The following PRKAG2 variants were observed in gnomAD, a reference collection of about 807,000 sequenced individuals.
The protein encoded by PRKAG2 is protein kinase AMP-activated non-catalytic subunit gamma 2.
A neutral mutation model predicts 69.6 loss-of-function variants in PRKAG2; 26 were observed. That is an observed-to-expected ratio of 0.37 (90% CI 0.27 to 0.52). PRKAG2 has a LOEUF of 0.52. Ranked by LOEUF, PRKAG2 falls within the 20% of genes least tolerant of loss-of-function variation. The pLI, the probability that PRKAG2 is intolerant of heterozygous loss-of-function variation, is 0.90. For missense variants in PRKAG2, 557 were observed against 740.0 expected (o/e 0.75, Z 2.87); for synonymous variants, 293 against 285.0 (o/e 1.03, Z -0.28).
intron 3 of PRKAG2, among the ~76,000 whole-genome samples, chr7:151,779,803 C>T (rs1327522216): frequency 1.3e-5 from 2 of 152,178 alleles, no homozygotes; most frequent in African/African-American, 4.8e-5. Context: ...TGACAAATCC[C>T]ACCTGTGTGA....
chr7:151,740,983 G>C (rs2073842574), intron 3 of PRKAG2, among the ~76,000 whole-genome samples: 1 of 152,226 alleles, frequency 6.6e-6, no homozygotes, highest in South Asian at 2.1e-4. Flanking sequence ...GTAAGTTTAG[G>C]AGTTTCATGT....
intron 3 of PRKAG2, among the ~76,000 whole-genome samples, chr7:151,738,388 C>A (rs2073614555): frequency 6.6e-6 from 1 of 152,276 alleles, no homozygotes; most frequent in Non-Finnish European, 1.5e-5. Context: ...GCCATGGGGC[C>A]TCTGTTGGGA....
At chr7:151,579,122 T>G (rs926728723) in intron 6 of PRKAG2, among the ~76,000 whole-genome samples, 1 of 152,188 alleles carries the variant, frequency 6.6e-6, no homozygotes, top group East Asian at 1.9e-4. Context: ...CCTGCCGGGC[T>G]CAAGTGATTC....
At chr7:151,773,019 A>AG (rs2076103789) in intron 3 of PRKAG2, among the ~76,000 whole-genome samples, 7 of 23,556 alleles carry the variant, frequency 3.0e-4, no homozygotes, top group African/African-American at 1.5e-3. Context: ...GAAAGAAAGA[A>AG]AGAAAGAGAG....
intron 1 of PRKAG2, among the ~76,000 whole-genome samples, chr7:151,873,319 A>G (rs1215785186): frequency 6.6e-6 from 1 of 152,196 alleles, no homozygotes; most frequent in Non-Finnish European, 1.5e-5. Flanking sequence ...AAGTCTCTCT[A>G]AACACATCAG....
In PRKAG2 at chr7:151,762,634, A is replaced by G. The variant is rs75592510; in HGVS notation, c.466+18518T>C. ...GGGGCAGACTAGCCCACGCACATCGACCAGCACCTCTGAGCTGTGTGCCGT... is the reference window on the plus strand; with the variant it reads ...GGGGCAGACTAGCCCACGCACATCGGCCAGCACCTCTGAGCTGTGTGCCGT... On this transcript the variant is annotated intron_variant, in intron 3 of 15. Coordinates refer to ENST00000287878, the MANE Select transcript of PRKAG2 (RefSeq NM_016203.4). Among the ~76,000 whole-genome samples, 381 of 152,286 alleles carry G rather than the reference A, an allele frequency of 2.5e-3. 4 individuals are homozygous for G. The highest frequency in any genetic ancestry group is 8.7e-3 in the African/African-American group (362 of 41,560).
At chr7:151,618,554 C>G (rs1054292191) in intron 5 of PRKAG2, among the ~76,000 whole-genome samples, 1 of 151,842 alleles carries the variant, frequency 6.6e-6, no homozygotes, top group Non-Finnish European at 1.5e-5. Flanking sequence ...CATTTGAGGT[C>G]GGGAGTTTGA....
chr7:151,736,308 CG>C, intron 3 of PRKAG2: 1 of 1,191,086 alleles, frequency 8.4e-7, no homozygotes, highest in Non-Finnish European at 1.0e-6. Context: ...AAGAAGCTGC[CG>C]GAAGCGCAAA....
At chr7:151,586,175 T>C (rs1811615594) in intron 6 of PRKAG2, among the ~76,000 whole-genome samples, 1 of 152,232 alleles carries the variant, frequency 6.6e-6, no homozygotes, top group Admixed American at 6.5e-5. Flanking sequence ...TAAATATTAA[T>C]TGATCTGCTT....
intron 5 of PRKAG2, among the ~76,000 whole-genome samples, chr7:151,623,902 G>A (rs1054994239): frequency 3.3e-5 from 5 of 152,070 alleles, no homozygotes; most frequent in African/African-American, 1.2e-4. Context: ...CTTACAATGC[G>A]CATGTGTGTA....
chr7:151,727,493 G>T (rs1396838672), intron 3 of PRKAG2, among the ~76,000 whole-genome samples: 1 of 152,192 alleles, frequency 6.6e-6, no homozygotes, highest in African/African-American at 2.4e-5. Context: ...AGGGACTCTG[G>T]AAGGGCTAGG....
rs1162430810 is a variant in PRKAG2, at chr7:151,632,059, G to A, written c.754+10C>T. On this transcript the variant is annotated intron_variant, in intron 5 of 15. Transcript: ENST00000287878. This position sits in a 1 kb window ranked among gnomAD's most constrained non-coding sequence, Gnocchi z 4.2. ...GAGCGCCGGGCCGGCAGCGGGCGGG[G>A]CGCACTCACCTTCGTCCTCGAACTC... 2 of 1,382,136 alleles carry A rather than the reference G, an allele frequency of 1.4e-6. No homozygotes were observed. Among genetic ancestry groups the A allele is most frequent in the Admixed American group, 2.2e-5 (1 of 45,046 alleles). The allele number at this position is 1,382,136 out of a possible 1,614,324, so 85.6% of individuals were successfully genotyped here. A position where few individuals can be genotyped will look rare whatever the true frequency, so the allele number is the denominator to read the frequency against.
Position 151,781,015 on chromosome 7 carries a change from G to A in PRKAG2, c.466+137C>T, listed in dbSNP as rs190981264. On this transcript the variant is annotated intron_variant, in intron 3 of 15. Transcript: ENST00000287878. This position sits in a 1 kb window ranked among gnomAD's most constrained non-coding sequence, Gnocchi z 6.1. ...TTTGTTTAGGGGGAAGTGGGGGTGG[G>A]GAGAAACAGATACAGGCACTCAGCA... 9 of 1,167,896 alleles carry A rather than the reference G, an allele frequency of 7.7e-6. No individual in the cohort carries two copies. Among genetic ancestry groups the A allele is most frequent in the South Asian group, 6.3e-5 (5 of 79,172 alleles). 72.3% of individuals were successfully genotyped at this position (1,167,896 alleles called of 1,614,324 possible). A position where few individuals can be genotyped will look rare whatever the true frequency, so the allele number is the denominator to read the frequency against.
chr7:151,669,794 G>C (rs1831577640), intron 4 of PRKAG2, among the ~76,000 whole-genome samples: 1 of 112,600 alleles, frequency 8.9e-6, no homozygotes. Context: ...GCACACACCT[G>C]TGCACACACT....
intron 3 of PRKAG2, among the ~76,000 whole-genome samples, chr7:151,762,633 G>A (rs568533408): frequency 3.9e-5 from 6 of 152,294 alleles, no homozygotes; most frequent in African/African-American, 1.2e-4. Flanking sequence ...CACGCACATC[G>A]ACCAGCACCT....
chr7:151,809,419 C>G, intron 1 of PRKAG2: 1 of 359,224 alleles, frequency 2.8e-6, no homozygotes, highest in South Asian at 2.0e-5. Flanking sequence ...GAGGGGACTC[C>G]GGCAGGCGCT....
intron 3 of PRKAG2, among the ~76,000 whole-genome samples, chr7:151,721,325 GC>G (rs1363002808): frequency 6.6e-6 from 1 of 152,166 alleles, no homozygotes; most frequent in Non-Finnish European, 1.5e-5. Context: ...CTCTGGAGCT[GC>G]CTTCTGCCTA....
At chr7:151,734,018 C>T (rs1799370688) in intron 3 of PRKAG2, among the ~76,000 whole-genome samples, 1 of 152,088 alleles carries the variant, frequency 6.6e-6, no homozygotes, top group Non-Finnish European at 1.5e-5. Context: ...AAGTGATCCC[C>T]CAACCTTAGC....
At chr7:151,578,847 C>T (rs1809655346) in intron 6 of PRKAG2, among the ~76,000 whole-genome samples, 2 of 151,974 alleles carry the variant, frequency 1.3e-5, no homozygotes. Flanking sequence ...CTATTTGTAC[C>T]CTGGGCATCT....
Sources: allele counts gnomAD v4.1 joint callset (sites outside exome capture counted in the v4.1 genomes callset), GRCh38; gene constraint gnomAD v4.1.1; non-coding constraint Gnocchi (gnomAD v3.1); transcripts MANE v1.5; gene names NCBI Gene and HGNC (gene_info 2026-07-23, HGNC 2026-07-21).